The following GALNTL6 variants were observed in gnomAD, a reference collection of about 807,000 sequenced individuals.
GALNTL6 encodes the protein polypeptide N-acetylgalactosaminyltransferase like 6.
In GALNTL6, 46 loss-of-function variants were observed where a neutral mutation model predicts 73.7. The ratio of observed to expected loss-of-function variants is 0.62; its 90% CI spans 0.49 to 0.80. The LOEUF is 0.80. Ranked by LOEUF, GALNTL6 falls within the 30% of genes least tolerant of loss-of-function variation. The pLI, the probability that GALNTL6 is intolerant of heterozygous loss-of-function variation, is 0.00. For missense variants in GALNTL6, 604 were observed against 755.0 expected, an observed-to-expected ratio of 0.80 and a Z score of 2.34; for synonymous variants, 259 against 263.7, an observed-to-expected ratio of 0.98 and a Z score of 0.17.
chr4:172,899,223 G>A (rs1746492195), intron 8 of GALNTL6, among the ~76,000 whole-genome samples: 1 of 152,182 alleles, frequency 6.6e-6, no homozygotes, highest in East Asian at 1.9e-4. Flanking sequence ...CGTGTTAAGA[G>A]AAATGTTATG....
At chr4:172,737,308 T>C (rs1321165891) in intron 5 of GALNTL6, among the ~76,000 whole-genome samples, 1 of 151,400 alleles carries the variant, frequency 6.6e-6, no homozygotes. Context: ...CTTTTCATTC[T>C]TTTTTTTTCC....
intron 2 of GALNTL6, among the ~76,000 whole-genome samples, chr4:172,210,323 G>A (rs1340025114): frequency 6.6e-6 from 1 of 152,012 alleles, no homozygotes; most frequent in Non-Finnish European, 1.5e-5. Context: ...AAAGTCTGTA[G>A]TATTTATATA....
intron 5 of GALNTL6, among the ~76,000 whole-genome samples, chr4:172,534,448 C>A (rs563781381): frequency 1.1e-4 from 16 of 152,268 alleles, no homozygotes; most frequent in African/African-American, 3.9e-4. Context: ...TGGAAAGCAA[C>A]TAAAAACATG....
At chr4:172,165,506 GTGATTGAGAGAA>G (rs1397273985) in intron 2 of GALNTL6, among the ~76,000 whole-genome samples, 1 of 152,218 alleles carries the variant, frequency 6.6e-6, no homozygotes, top group Admixed American at 6.5e-5. Context: ...ATGTAATTTT[GTGATTGAGAGAA>G]TGACCCATGT....
chr4:172,504,175 A>AAAAAAAAAAAAAAAAAAAAAC (rs1363544210), intron 5 of GALNTL6, among the ~76,000 whole-genome samples: 11 of 39,312 alleles, frequency 2.8e-4, no homozygotes, highest in African/African-American at 7.7e-4. Context: ...AAAAAAAAAA[A>AAAAAAAAAAAAAAAAAAAAAC]AAAACTCACA....
intron 5 of GALNTL6, among the ~76,000 whole-genome samples, chr4:172,528,272 A>G (rs565631310): frequency 6.7e-6 from 1 of 148,786 alleles, no homozygotes; most frequent in Non-Finnish European, 1.5e-5. Context: ...GTGGGGAAGT[A>G]TAAAAGATGA....
intron 2 of GALNTL6, among the ~76,000 whole-genome samples, chr4:172,200,232 T>TG (rs762616457): frequency 4.6e-5 from 7 of 152,192 alleles, no homozygotes; most frequent in Non-Finnish European, 7.4e-5. Context: ...AGTGTTCCAA[T>TG]GGACATAACA....
Position 172,688,396 on chromosome 4 carries a change from C to T in GALNTL6, c.554-120965C>T, listed in dbSNP as rs137955626. 4.6e-5 allele frequency among the ~76,000 whole-genome samples: 7 copies of T among 152,244 alleles called. No homozygotes were observed. In the East Asian group the frequency reaches 9.6e-4, roughly 21 times the overall value. Reference sequence around the variant, plus strand: ...GTAGTAAATTGAGCAAGGTGATGTGCGTAGCAAGTGGTAGTGCTGACTGGA... The same window carrying T: ...GTAGTAAATTGAGCAAGGTGATGTGTGTAGCAAGTGGTAGTGCTGACTGGA... On this transcript the variant is annotated intron_variant, in intron 5 of 12. Transcript: ENST00000506823.
intron 5 of GALNTL6, among the ~76,000 whole-genome samples, chr4:172,495,790 T>TAA (rs1457836864): frequency 4.6e-5 from 7 of 152,176 alleles, no homozygotes; most frequent in Non-Finnish European, 7.3e-5. Flanking sequence ...CTATTGATGT[T>TAA]AAGGTTGCTC....
rs537047403 is a variant in GALNTL6, at chr4:171,898,901, C to A, written c.138+84183C>A. On this transcript the variant is annotated intron_variant, in intron 2 of 12. Transcript: ENST00000506823. ...ACTATGGGGAACAATAAGCTATTTG[C>A]ATGAGCATAGTCTTGGTATTAAAGA... Among the ~76,000 whole-genome samples, 5 of 152,016 alleles carry A rather than the reference C, an allele frequency of 3.3e-5. No homozygotes were observed. In the South Asian group the frequency reaches 1.0e-3, roughly 32 times the overall value.
chr4:172,202,219 G>A (rs1735978493), intron 2 of GALNTL6, among the ~76,000 whole-genome samples: 4 of 152,166 alleles, frequency 2.6e-5, no homozygotes. Flanking sequence ...GTAATTGCAT[G>A]GACTTTGCTG....
chr4:172,898,509 C>T (rs1746453860), intron 8 of GALNTL6, among the ~76,000 whole-genome samples: 1 of 150,980 alleles, frequency 6.6e-6, no homozygotes, highest in African/African-American at 2.4e-5. Context: ...TCATTACAGT[C>T]ATTATTTATT....
chr4:172,540,910 A>C (rs974107157), intron 5 of GALNTL6, among the ~76,000 whole-genome samples: 12 of 152,198 alleles, frequency 7.9e-5, no homozygotes, highest in African/African-American at 2.9e-4. Flanking sequence ...TAGAGTTTGA[A>C]AGGTATGAGA....
At chr4:172,782,314 AG>A (rs1316787954) in intron 5 of GALNTL6, among the ~76,000 whole-genome samples, 1 of 152,176 alleles carries the variant, frequency 6.6e-6, no homozygotes, top group African/African-American at 2.4e-5. Flanking sequence ...GGCCTCTTGG[AG>A]AAAGTCAATT....
rs748158772 is a variant in GALNTL6, at chr4:171,851,167, A to C, written c.138+36449A>C. Among the ~76,000 whole-genome samples, 9 of 152,306 alleles carry C rather than the reference A, an allele frequency of 5.9e-5. No homozygotes were observed. The South Asian group carries it at 6.2e-4, about 11-fold the overall frequency. On this transcript the variant is annotated intron_variant, in intron 2 of 12. Coordinates refer to ENST00000506823, the MANE Select transcript of GALNTL6 (RefSeq NM_001034845.3). ...CTATTTCTCTTTGATCCTCAAAGTA[A>C]TAAGTATTTTAAATTATAGAACTAA...
intron 2 of GALNTL6, among the ~76,000 whole-genome samples, chr4:171,925,160 G>A (rs757432037): frequency 2.0e-5 from 3 of 152,196 alleles, no homozygotes; most frequent in Non-Finnish European, 4.4e-5. Context: ...GGTAAAGGGT[G>A]AGCAGGGGCT....
chr4:172,590,925 C>T (rs148423817), intron 5 of GALNTL6, among the ~76,000 whole-genome samples: 2 of 152,078 alleles, frequency 1.3e-5, no homozygotes, highest in African/African-American at 2.4e-5. Context: ...ATTACTGCGT[C>T]GTGAAATGCT....
chr4:172,026,247 G>A (rs188138809), intron 2 of GALNTL6, among the ~76,000 whole-genome samples: 8 of 151,984 alleles, frequency 5.3e-5, no homozygotes, highest in Admixed American at 2.6e-4. Flanking sequence ...ATATTTTTAT[G>A]CTATTCTAGT....
chr4:172,568,531 C>T (rs1054014491), intron 5 of GALNTL6, among the ~76,000 whole-genome samples: 18 of 151,734 alleles, frequency 1.2e-4, no homozygotes, highest in African/African-American at 3.4e-4. Context: ...CCGAGGCGGG[C>T]GGATCACGAG....
Sources: allele counts gnomAD v4.1 joint callset (sites outside exome capture counted in the v4.1 genomes callset), GRCh38; gene constraint gnomAD v4.1.1; transcripts MANE v1.5; gene names NCBI Gene and HGNC (gene_info 2026-07-23, HGNC 2026-07-21).